Variants in POLR1D observed in about 807,000 individuals in gnomAD.
POLR1D encodes RNA polymerase I and III subunit D.
In POLR1D, 8 loss-of-function variants were observed where a neutral mutation model predicts 10.8. That is an observed-to-expected ratio of 0.74 (90% CI 0.43 to 1.33). The LOEUF (loss-of-function observed/expected upper bound fraction) is 1.33. Among genes scored for constraint, POLR1D ranks in the 40% most tolerant of loss-of-function variants. POLR1D has a pLI of 0.01. For missense variants in POLR1D, 152 were observed against 161.7 expected (o/e 0.94, Z 0.32); for synonymous variants, 54 against 57.2 (o/e 0.94, Z 0.25).
chr13:27,628,117 A>G (rs1237112247), downstream of POLR1D, among the ~76,000 whole-genome samples: 2 of 152,106 alleles, frequency 1.3e-5, no homozygotes, highest in African/African-American at 4.8e-5. Flanking sequence ...TCCTTCCCCA[A>G]CCCATATCAG....
chr13:27,622,112 G>A (rs1593274381), intron 1 of POLR1D, 103 bp downstream of exon 1: 3 of 970,354 alleles, frequency 3.1e-6, no homozygotes, highest in African/African-American at 1.6e-5. Context: ...GACTCGGGGC[G>A]CAGAGAAGAA....
chr13:27,646,597 A>G (rs1956222690), intron 1 of POLR1D, among the ~76,000 whole-genome samples: 1 of 152,244 alleles, frequency 6.6e-6, no homozygotes, highest in Admixed American at 6.5e-5. Flanking sequence ...GAAGGATCAG[A>G]AAATGTCAAG....
intron 1 of POLR1D, among the ~76,000 whole-genome samples, chr13:27,636,320 C>T (rs935680391): frequency 6.6e-6 from 1 of 152,124 alleles, no homozygotes; most frequent in Non-Finnish European, 1.5e-5. Flanking sequence ...AAGTTGTTAA[C>T]TTCTCTAAAC....
chr13:27,634,756 G>A (rs903507128), intron 1 of POLR1D, among the ~76,000 whole-genome samples: 3 of 149,212 alleles, frequency 2.0e-5, no homozygotes, highest in Non-Finnish European at 3.0e-5. Context: ...ACTCACTGCA[G>A]CCTTGACCTC....
At chr13:27,655,382 C>T (rs1356372875) in intron 2 of POLR1D, among the ~76,000 whole-genome samples, 4 of 152,100 alleles carry the variant, frequency 2.6e-5, no homozygotes, top group Non-Finnish European at 5.9e-5. Flanking sequence ...TTGTAATTAC[C>T]ATATCAATGA....
Position 27,622,775 on chromosome 13 carries a change from TTAA to T in POLR1D, c.27-92_27-90del, listed in dbSNP as rs1233780846. ...AATAATTCTGTGTAGCTGGAGTAGA[TTAA>T]TAATAATGTGTTGCAATGTGATATA... On this transcript the variant is annotated intron_variant, in intron 1 of 1. Transcript: ENST00000302979. 7 of 736,264 alleles carry T rather than the reference TTAA, an allele frequency of 9.5e-6. No homozygotes were observed. In the East Asian group the frequency reaches 1.6e-4, roughly 17 times the overall value. 45.6% of individuals were successfully genotyped at this position (736,264 alleles called of 1,614,324 possible).
intron 1 of POLR1D, 37 bp from the exon 2 acceptor site, chr13:27,622,838 C>T (rs1158195647): frequency 7.4e-7 from 1 of 1,356,378 alleles, no homozygotes; most frequent in East Asian, 2.3e-5. Flanking sequence ...AAACAATATT[C>T]AGTATGATCT....
At chr13:27,643,750 G>C (rs769732669) in intron 1 of POLR1D, among the ~76,000 whole-genome samples, 1 of 152,058 alleles carries the variant, frequency 6.6e-6, no homozygotes, top group Admixed American at 6.6e-5. Flanking sequence ...GTATGTGGAC[G>C]ACTCCACAAG....
At position 27,663,751 on chromosome 13, in the gene POLR1D, C is replaced by T. The variant is rs1956388126; in HGVS notation, c.102-1935C>T. 6.6e-6 allele frequency among the ~76,000 whole-genome samples: 1 copy of T among 151,104 alleles called. No homozygotes were observed. The highest frequency in any genetic ancestry group is 1.5e-5 in the Non-Finnish European group (1 of 67,682). ...CCTTGTTGTTTAATGCAGAGAAGAA[C>T]TGGCCAGTTTACCACCACTGAGATG... On this transcript the variant is annotated intron_variant, in intron 2 of 2. Transcript: ENST00000399697. The surrounding 1 kb of genome is among the most constrained non-coding windows in gnomAD (Gnocchi z 4.1).
At chr13:27,637,634 A>G (rs1372574620) in intron 1 of POLR1D, among the ~76,000 whole-genome samples, 1 of 152,168 alleles carries the variant, frequency 6.6e-6, no homozygotes, top group East Asian at 1.9e-4. Context: ...AAACACTTGT[A>G]TATATATTAA....
chr13:27,629,365 G>T (rs113412312), intron 1 of POLR1D, among the ~76,000 whole-genome samples: 3 of 152,140 alleles, frequency 2.0e-5, no homozygotes, highest in African/African-American at 7.2e-5. Context: ...ACCATATAGG[G>T]ATGTTACAAG....
At chr13:27,656,287 C>CT (rs1326663070) in intron 2 of POLR1D, among the ~76,000 whole-genome samples, 4 of 152,146 alleles carry the variant, frequency 2.6e-5, no homozygotes, top group Non-Finnish European at 4.4e-5. Flanking sequence ...GACTAATACT[C>CT]TAAGTATTGA....
intron 1 of POLR1D, among the ~76,000 whole-genome samples, chr13:27,645,309 C>T (rs551651760): frequency 1.1e-4 from 17 of 152,206 alleles, no homozygotes; most frequent in Admixed American, 9.2e-4. Context: ...AACAATTTCT[C>T]CAGGATTTGC....
chr13:27,648,941 TG>T (rs1956244179), intron 2 of POLR1D, among the ~76,000 whole-genome samples: 1 of 152,206 alleles, frequency 6.6e-6, no homozygotes, highest in Non-Finnish European at 1.5e-5. Context: ...CTTAATAATA[TG>T]GGCTGGGCAC....
chr13:27,650,027 T>C (rs1956252209), intron 2 of POLR1D: 1 of 398,452 alleles, frequency 2.5e-6, no homozygotes, highest in Admixed American at 4.4e-5. Flanking sequence ...AAATCTGTTA[T>C]ACTTGTGGTT....
chr13:27,622,330 G>C lies in POLR1D; in HGVS notation c.26+321G>C. Reference sequence around the variant, plus strand: ...CTCGTGCCTCTGTCCCTGTAACTACGGCTCACCTTCTTTCTATGTGCAGAC... The same window carrying C: ...CTCGTGCCTCTGTCCCTGTAACTACCGCTCACCTTCTTTCTATGTGCAGAC... On this transcript the variant is annotated intron_variant, in intron 1 of 1. Coordinates refer to ENST00000302979, the MANE Select transcript of POLR1D (RefSeq NM_015972.4). The C allele has an allele frequency of 6.3e-6, 3 of 479,752 alleles. No individual in the cohort carries two copies. The South Asian group carries it at 7.8e-5, about 12-fold the overall frequency. 29.7% of individuals were successfully genotyped at this position (479,752 alleles called of 1,614,324 possible). A position where few individuals can be genotyped will look rare whatever the true frequency, so the allele number is the denominator to read the frequency against.
chr13:27,654,806 G>T lies in POLR1D; in HGVS notation c.101+6353G>T, dbSNP rs192779214. Among the ~76,000 whole-genome samples, 252 of 152,326 alleles carry T rather than the reference G, an allele frequency of 1.7e-3. 1 individual carries two copies. The highest frequency in any genetic ancestry group is 5.8e-3 in the African/African-American group (242 of 41,572). On this transcript the variant is annotated intron_variant, in intron 2 of 2. Transcript: ENST00000399697. Reference sequence around the variant, plus strand: ...CATTTTTAACTGGAAGTGCATGGTGGTAAAGAGTACAATGACCACTGGTAC... The same window carrying T: ...CATTTTTAACTGGAAGTGCATGGTGTTAAAGAGTACAATGACCACTGGTAC...
chr13:27,654,535 G>T (rs79767970), intron 2 of POLR1D, among the ~76,000 whole-genome samples: 75 of 152,250 alleles, frequency 4.9e-4, no homozygotes, highest in Non-Finnish European at 8.2e-4. Context: ...AATGAATACT[G>T]GGAGTTGTTT....
At chr13:27,657,813 C>A (rs1440711941) in intron 2 of POLR1D, among the ~76,000 whole-genome samples, 1 of 152,170 alleles carries the variant, frequency 6.6e-6, no homozygotes, top group Non-Finnish European at 1.5e-5. Flanking sequence ...ATCTGTGTTG[C>A]TCTGGAAGCA....
Sources: allele counts gnomAD v4.1 joint callset (sites outside exome capture counted in the v4.1 genomes callset), GRCh38; gene constraint gnomAD v4.1.1; non-coding constraint Gnocchi (gnomAD v3.1); transcripts MANE v1.5; gene names NCBI Gene and HGNC (gene_info 2026-07-23, HGNC 2026-07-21).